The following RECK variants were observed in gnomAD, a reference collection of about 807,000 sequenced individuals.
RECK encodes reversion-inducing cysteine-rich protein with Kazal motifs.
Under a neutral mutation model 115.1 loss-of-function variants are expected in RECK, and 69 were observed. The ratio of observed to expected loss-of-function variants is 0.60; its 90% CI spans 0.49 to 0.73. The LOEUF is 0.73. Among genes scored for constraint, RECK ranks in the 30% least tolerant of loss-of-function variants. RECK has a pLI of 0.00. For synonymous variants in RECK, 414 were observed against 419.7 expected (o/e 0.99, Z 0.17); for missense variants, 1,047 against 1,203.7 (o/e 0.87, Z 1.93).
intron 10 of RECK, among the ~76,000 whole-genome samples, chr9:36,096,657 C>A (rs544510950): frequency 1.3e-5 from 2 of 151,994 alleles, no homozygotes; most frequent in South Asian, 4.1e-4. Context: ...GTGTTTCACA[C>A]CCTACACAAA....
chr9:36,100,631 C>A, intron 11 of RECK, 88 bp downstream of exon 11: 1 of 976,428 alleles, frequency 1.0e-6, no homozygotes, highest in Non-Finnish European at 1.5e-6. Context: ...AATTTTCTCT[C>A]TTACCACTTC....
At chr9:36,037,133 C>T in intron 1 of RECK, 35 bp downstream of exon 1, 1 of 1,145,826 alleles carries the variant, frequency 8.7e-7, no homozygotes, top group Non-Finnish European at 1.1e-6. Context: ...TCGAAGCTGT[C>T]GGGAGCGGCC....
chr9:36,061,818 A>G (rs1010466170), intron 4 of RECK, among the ~76,000 whole-genome samples: 3 of 152,164 alleles, frequency 2.0e-5, no homozygotes, highest in African/African-American at 7.2e-5. Flanking sequence ...AATATGCAGT[A>G]TTTTTGGTCA....
chr9:36,044,364 G>A (rs1233127329), intron 1 of RECK, among the ~76,000 whole-genome samples: 1 of 152,062 alleles, frequency 6.6e-6, no homozygotes, highest in African/African-American at 2.4e-5. Context: ...TATCAGATCT[G>A]GGAGCTTTTT....
intron 13 of RECK, among the ~76,000 whole-genome samples, chr9:36,107,545 C>T (rs1823869429): frequency 6.7e-6 from 1 of 148,698 alleles, no homozygotes; most frequent in South Asian, 2.1e-4. Context: ...GCAGAAGTTG[C>T]ACTGAGCCAA....
intron 11 of RECK, among the ~76,000 whole-genome samples, chr9:36,101,193 C>CA (rs1823554492): frequency 6.6e-6 from 1 of 152,114 alleles, no homozygotes; most frequent in Non-Finnish European, 1.5e-5. Flanking sequence ...CCTGGTGATC[C>CA]ACCCGCCTCG....
At chr9:36,046,168 T>C (rs1056166865) in intron 1 of RECK, among the ~76,000 whole-genome samples, 4 of 152,216 alleles carry the variant, frequency 2.6e-5, no homozygotes, top group Non-Finnish European at 4.4e-5. Context: ...TTGAAGAATA[T>C]GTTAGGATCA....
chr9:36,111,117 T>A (rs986864340), intron 15 of RECK, among the ~76,000 whole-genome samples: 2 of 152,190 alleles, frequency 1.3e-5, no homozygotes, highest in African/African-American at 2.4e-5. Flanking sequence ...GTCTAAATGT[T>A]TTTAGAAGTT....
rs80069543 is a variant in RECK at position 36,092,910 on chromosome 9, G to A, written c.1085+1567G>A. ...AAGGGAGGGAACCACAAAAAGAAAT[G>A]TCCCAAAATCCATAAACAGACTCCT... On this transcript the variant is annotated intron_variant, in intron 10 of 20. Transcript: ENST00000377966. Among the ~76,000 whole-genome samples, 1,379 of 152,132 alleles carry A rather than the reference G, an allele frequency of 9.1e-3. 11 individuals carry two copies. Among genetic ancestry groups the A allele is most frequent in the Non-Finnish European group, 0.014 (978 of 67,988 alleles).
intron 16 of RECK, among the ~76,000 whole-genome samples, chr9:36,112,817 G>A (rs1824113714): frequency 6.6e-6 from 1 of 152,194 alleles, no homozygotes; most frequent in Non-Finnish European, 1.5e-5. Flanking sequence ...AAGAGTCATG[G>A]CTGCTGGAAA....
In RECK at chr9:36,065,629, G is replaced by A. The variant is rs1293383191; in HGVS notation, c.405+5G>A. On this transcript the variant is annotated splice_donor_5th_base_variant and intron_variant, in intron 6 of 20. Transcript: ENST00000377966. ...GTTTGCAGAAAAGAATATGAGGTATGCATTTTATTTAACAAATGTGGATAG... is the reference window on the plus strand; with the variant it reads ...GTTTGCAGAAAAGAATATGAGGTATACATTTTATTTAACAAATGTGGATAG... The A allele has an allele frequency of 6.4e-7, 1 of 1,563,756 alleles. No individual in the cohort carries two copies. The highest frequency in any genetic ancestry group is 1.9e-5 in the Admixed American group (1 of 52,274).
intron 2 of RECK, 109 bp downstream of exon 2, chr9:36,052,432 G>A: frequency 1.5e-6 from 1 of 683,746 alleles, no homozygotes; most frequent in South Asian, 1.7e-5. Flanking sequence ...CAGGGGTTCA[G>A]GACCAGCCAG....
intron 7 of RECK, among the ~76,000 whole-genome samples, chr9:36,082,835 C>T (rs1051167660): frequency 6.6e-6 from 1 of 152,090 alleles, no homozygotes; most frequent in Admixed American, 6.5e-5. Context: ...TTAAATGATC[C>T]TTACATCACT....
intron 10 of RECK, among the ~76,000 whole-genome samples, chr9:36,092,945 T>C (rs1201664105): frequency 6.6e-6 from 1 of 152,142 alleles, no homozygotes; most frequent in East Asian, 1.9e-4. Flanking sequence ...TTTTAAGTCC[T>C]TGGCTGACTC....
In RECK at chr9:36,122,951, C is replaced by T; in HGVS notation, c.2822C>T (p.Pro941Leu). 5.0e-6 allele frequency: 8 copies of T among 1,614,192 alleles called. No homozygotes were observed. Among genetic ancestry groups the T allele is most frequent in the Non-Finnish European group, 6.8e-6 (8 of 1,180,036 alleles). ...CAGGTACAGGTCTCCAGCAGTGTGC[C>T]ATCGGCCGGTGTCAGGGCCAGGCCT... is the stretch of plus-strand genomic sequence containing the variant. ...ISQVQVSSSV[P>L]SAGVRARPSC... Residue 941 changes from proline (P) to leucine (L), a missense_variant, in exon 21 of 21, where the codon CCA (proline) becomes CTA (leucine). Coordinates refer to ENST00000377966, the MANE Select transcript of RECK (RefSeq NM_021111.3).
chr9:36,083,409 C>G lies in RECK; in HGVS notation c.484C>G (p.Arg162Gly), dbSNP rs575974346. ...TTATGCAGGTCATCACACAAACTGC[C>G]GAGAATACTGTCAAGCCATTTTTCG... ...CSYAGHHTNC[R>G]EYCQAIFRTD... The change falls in exon 8 of 21, where the codon CGA (arginine) becomes GGA (glycine). Residue 162 changes from arginine to glycine, a missense_variant. Transcript: ENST00000377966. 1 of 1,613,898 alleles carries G rather than the reference C, an allele frequency of 6.2e-7. No individual in the cohort carries two copies. Among genetic ancestry groups the G allele is most frequent in the Admixed American group, 1.7e-5 (1 of 59,984 alleles).
chr9:36,116,752 TC>T (rs1824282754), intron 16 of RECK, among the ~76,000 whole-genome samples: 1 of 152,036 alleles, frequency 6.6e-6, no homozygotes, highest in Non-Finnish European at 1.5e-5. Context: ...TTCTTCAGGC[TC>T]CCCAGACGAG....
At chr9:36,037,565 G>T (rs1343947346) in intron 1 of RECK, among the ~76,000 whole-genome samples, 6 of 151,890 alleles carry the variant, frequency 4.0e-5, no homozygotes, top group African/African-American at 1.5e-4. Flanking sequence ...CCCACAGCCC[G>T]CGTGGTGGGT....
At chr9:36,121,418 C>A in intron 19 of RECK, 115 bp from the exon 20 acceptor site, 3 of 954,400 alleles carry the variant, frequency 3.1e-6, no homozygotes, top group Non-Finnish European at 4.6e-6. Context: ...TTGGGCCTTC[C>A]GCTGAGGGCT....
Sources: allele counts gnomAD v4.1 joint callset (sites outside exome capture counted in the v4.1 genomes callset), GRCh38; gene constraint gnomAD v4.1.1; transcripts MANE v1.5; gene names NCBI Gene and HGNC (gene_info 2026-07-23, HGNC 2026-07-21).